The following CYP2J2 variants were observed in gnomAD, a reference collection of about 807,000 sequenced individuals.
The protein encoded by CYP2J2 is cytochrome P450 family 2 subfamily J member 2.
In CYP2J2, 41 loss-of-function variants were observed where a neutral mutation model predicts 48.8. The observed-to-expected ratio is 0.84, with a 90% confidence interval of 0.66 to 1.09. The LOEUF is 1.09. Ranked by LOEUF, CYP2J2 falls within the 50% of genes least tolerant of loss-of-function variation. The probability of loss-of-function intolerance (pLI) is 0.00; values close to 1 mark genes in which losing one functional copy is unlikely to be tolerated. For missense variants in CYP2J2, 644 were observed against 617.3 expected, an observed-to-expected ratio of 1.04 and a Z score of -0.46; for synonymous variants, 221 against 227.1, an observed-to-expected ratio of 0.97 and a Z score of 0.24.
chr1:59,949,873 C>G, the CYP2J2 span, among the ~76,000 whole-genome samples: 1 of 151,922 alleles, frequency 6.6e-6, no homozygotes, highest in African/African-American at 2.4e-5. Context: ...CACCCCAGGA[C>G]TTCTGCTATT....
the CYP2J2 span, among the ~76,000 whole-genome samples, chr1:59,959,684 T>C: frequency 6.6e-6 from 1 of 152,222 alleles, no homozygotes; most frequent in East Asian, 1.9e-4. Context: ...TACATATGTA[T>C]ATGTATACAC....
chr1:59,951,809 G>A, the CYP2J2 span, among the ~76,000 whole-genome samples: 3 of 152,094 alleles, frequency 2.0e-5, no homozygotes, highest in African/African-American at 7.2e-5. Context: ...GCTAGCTTCT[G>A]GCCCTTGGTG....
At chr1:59,904,830 C>G in intron 7 of CYP2J2, 41 bp downstream of exon 7, 1 of 1,552,514 alleles carries the variant, frequency 6.4e-7, no homozygotes, top group Admixed American at 1.8e-5. Flanking sequence ...GTTCAAGTTT[C>G]TACCCCCCTA....
chr1:59,957,286 T>C, the CYP2J2 span, among the ~76,000 whole-genome samples: 1 of 151,144 alleles, frequency 6.6e-6, no homozygotes, highest in African/African-American at 2.4e-5. Context: ...AGAAATTCCA[T>C]TAACATAGCA....
the CYP2J2 span, among the ~76,000 whole-genome samples, chr1:59,942,876 C>T: frequency 6.6e-6 from 1 of 152,298 alleles, no homozygotes; most frequent in South Asian, 2.1e-4. Flanking sequence ...CACAGAGTAA[C>T]TCACTTAACT....
the CYP2J2 span, among the ~76,000 whole-genome samples, chr1:59,958,967 C>T: frequency 6.6e-6 from 1 of 152,130 alleles, no homozygotes; most frequent in Non-Finnish European, 1.5e-5. Context: ...CTTATCTGCC[C>T]ACTTTTTAAC....
chr1:59,916,941 C>T (rs984054327), intron 1 of CYP2J2, among the ~76,000 whole-genome samples: 1 of 151,980 alleles, frequency 6.6e-6, no homozygotes, highest in Non-Finnish European at 1.5e-5. Flanking sequence ...ATGAGAATGC[C>T]CCCTTCCTAG....
At chr1:59,919,449 G>A (rs767869392) in intron 1 of CYP2J2, among the ~76,000 whole-genome samples, 4 of 152,232 alleles carry the variant, frequency 2.6e-5, no homozygotes, top group African/African-American at 9.6e-5. Context: ...ACGTGTGCAC[G>A]CATGCACAGT....
At position 59,911,834 on chromosome 1, in the gene CYP2J2, C is replaced by A. The variant is rs946303309; in HGVS notation, c.524-66G>T. 2.6e-6 allele frequency: 4 copies of A among 1,511,172 alleles called. No homozygotes were observed. In the African/African-American group the frequency reaches 5.5e-5, roughly 21 times the overall value. 93.6% of individuals were successfully genotyped at this position (1,511,172 alleles called of 1,614,324 possible). On this transcript the variant is annotated intron_variant, in intron 3 of 8. Coordinates refer to ENST00000371204, the MANE Select transcript of CYP2J2 (RefSeq NM_000775.4). ...TTTGTCTCCATTTCCTACTGAGAGT[C>A]TACTTTACATGGCATAAGACATACC...
At chr1:59,954,911 C>T in the CYP2J2 span, among the ~76,000 whole-genome samples, 23 of 151,654 alleles carry the variant, frequency 1.5e-4, no homozygotes, top group South Asian at 6.3e-4. Context: ...ATGAGGTGGG[C>T]GGATCACTTG....
intron 1 of CYP2J2, among the ~76,000 whole-genome samples, chr1:59,920,028 T>C (rs1316233117): frequency 1.3e-5 from 2 of 151,988 alleles, no homozygotes; most frequent in African/African-American, 4.8e-5. Context: ...GCACAGCAGA[T>C]GACATGTGTT....
upstream of CYP2J2, among the ~76,000 whole-genome samples, chr1:59,928,272 G>A (rs1644585379): frequency 6.6e-6 from 1 of 152,060 alleles, no homozygotes; most frequent in South Asian, 2.1e-4. Context: ...CCTCTTCCTA[G>A]TAAAAAATTG....
the CYP2J2 span, among the ~76,000 whole-genome samples, chr1:59,960,550 A>G: frequency 6.6e-6 from 1 of 152,232 alleles, no homozygotes; most frequent in South Asian, 2.1e-4. Context: ...GGGGCTTAAT[A>G]CATATTTTTG....
intron 5 of CYP2J2, among the ~76,000 whole-genome samples, chr1:59,909,316 G>T (rs1644390854): frequency 6.6e-6 from 1 of 152,144 alleles, no homozygotes; most frequent in South Asian, 2.1e-4. Flanking sequence ...AAGGAACTTT[G>T]CAGATGTGGT....
the CYP2J2 span, among the ~76,000 whole-genome samples, chr1:59,936,370 C>A: frequency 6.6e-6 from 1 of 152,102 alleles, no homozygotes; most frequent in Non-Finnish European, 1.5e-5. Context: ...CTTTACCCTG[C>A]GTCACACGTG....
upstream of CYP2J2, chr1:59,926,819 C>T (rs1365021896): frequency 4.3e-6 from 6 of 1,404,854 alleles, no homozygotes; most frequent in Non-Finnish European, 5.9e-6. Context: ...CCCCGCCCCG[C>T]CTCGCTCCCA....
chr1:59,953,840 GTCATA>G, the CYP2J2 span, among the ~76,000 whole-genome samples: 7 of 152,240 alleles, frequency 4.6e-5, no homozygotes, highest in South Asian at 1.5e-3. Context: ...AGTAGTAAGG[GTCATA>G]TCATGGAGAG....
chr1:59,906,778 C>T (rs1479189999), intron 6 of CYP2J2, among the ~76,000 whole-genome samples: 1 of 152,076 alleles, frequency 6.6e-6, no homozygotes, highest in Non-Finnish European at 1.5e-5. Context: ...TGAGCATGAA[C>T]CTGGATGCAT....
At chr1:59,903,840 C>G (rs564994345) in intron 7 of CYP2J2, among the ~76,000 whole-genome samples, 1 of 152,308 alleles carries the variant, frequency 6.6e-6, no homozygotes, top group South Asian at 2.1e-4. Context: ...GATCCCAACT[C>G]TTCATAGTTG....
Sources: gnomAD v4.1 joint callset for allele counts (sites outside exome capture counted in the v4.1 genomes callset) on GRCh38, gnomAD v4.1.1 for gene constraint, MANE v1.5 for transcripts, NCBI Gene and HGNC (gene_info 2026-07-23, HGNC 2026-07-21) for gene names.